Variants in ZC3H7B observed in about 807,000 individuals in gnomAD.
ZC3H7B encodes zinc finger CCCH domain-containing protein 7B.
In ZC3H7B, 35 loss-of-function variants were observed where a neutral mutation model predicts 116.0. The observed-to-expected ratio is 0.30, with a 90% CI of 0.23 to 0.40. ZC3H7B has a LOEUF of 0.40. Among genes scored for constraint, ZC3H7B ranks in the 10% least tolerant of loss-of-function variants. ZC3H7B has a pLI of 1.00. For synonymous variants in ZC3H7B, 502 were observed against 545.6 expected (o/e 0.92, Z 1.11); for missense variants, 1,011 against 1,321.5 (o/e 0.77, Z 3.64).
In ZC3H7B at chr22:41,338,170, A is replaced by T. The variant is rs1013565009; in HGVS notation, c.583-143A>T. ...GGCATAAGCCACCACGCCTGGCCGC[A>T]TGTGAGGGCTTTAATCTCCCCTGGC... On this transcript the variant is annotated intron_variant, in intron 7 of 22. Coordinates refer to ENST00000352645, the MANE Select transcript of ZC3H7B (RefSeq NM_017590.6). This position sits in a 1 kb window ranked among gnomAD's most constrained non-coding sequence, Gnocchi z 4.5. 7.3e-6 allele frequency: 6 copies of T among 820,822 alleles called. No individual in the cohort carries two copies. The East Asian group carries it at 1.1e-4, about 15-fold the overall frequency. The allele number at this position is 820,822 out of a possible 1,614,324, so 50.8% of individuals were successfully genotyped here.
chr22:41,343,551 C>T lies in ZC3H7B; in HGVS notation c.1434C>T (p.Phe478=), dbSNP rs773935948. 34 of 1,611,082 alleles carry T rather than the reference C, an allele frequency of 2.1e-5. No homozygotes were observed. The highest frequency in any genetic ancestry group is 4.5e-5 in the East Asian group (2 of 44,820). The change falls in exon 13 of 23, where the codon TTC becomes TTT. Residue 478 remains phenylalanine, a synonymous_variant. Coordinates refer to ENST00000352645, the MANE Select transcript of ZC3H7B (RefSeq NM_017590.6). ...RIRPRPTKTS[F]VGSYYLCKDM... Reference sequence around the variant, plus strand: ...GGCCCCGGCCCACTAAGACCAGCTTCGTGGGCTCCTACTACCTGTGCAAAG... The same window carrying T: ...GGCCCCGGCCCACTAAGACCAGCTTTGTGGGCTCCTACTACCTGTGCAAAG...
chr22:41,336,315 G>A (rs1368542787), intron 7 of ZC3H7B: 1 of 152,176 alleles, frequency 6.6e-6, no homozygotes, highest in Non-Finnish European at 1.5e-5. Context: ...ATCATTTGAA[G>A]TCAGGAGTTT....
At chr22:41,342,653 C>T (rs375020391) in intron 12 of ZC3H7B, 25 bp downstream of exon 12, 14 of 1,586,756 alleles carry the variant, frequency 8.8e-6, no homozygotes, top group Admixed American at 8.5e-5. Flanking sequence ...GTAGACTCCA[C>T]CCCTCTGCCC....
chr22:41,353,079 CA>C (rs111438065), intron 17 of ZC3H7B, among the ~76,000 whole-genome samples: 2,574 of 134,140 alleles, frequency 0.019, 75 homozygotes, highest in African/African-American at 0.062. Flanking sequence ...GACTCCATCT[CA>C]AAAAAAAAAA....
chr22:41,351,712 A>T lies in ZC3H7B; in HGVS notation c.2034+66A>T. On this transcript the variant is annotated intron_variant, in intron 17 of 22. Transcript: ENST00000352645. The surrounding 1 kb of genome is among the most constrained non-coding windows in gnomAD (Gnocchi z 5.1). ...AATTGTCCCCAAATTACAAACAGGAAGGCTCTAATTTTACAATAGAGAAAT... is the reference window on the plus strand; with the variant it reads ...AATTGTCCCCAAATTACAAACAGGATGGCTCTAATTTTACAATAGAGAAAT... The T allele has an allele frequency of 6.6e-7, 1 of 1,511,348 alleles. No homozygotes were observed. Among genetic ancestry groups the T allele is most frequent in the South Asian group, 1.2e-5 (1 of 83,136 alleles). 93.6% of individuals were successfully genotyped at this position (1,511,348 alleles called of 1,614,324 possible).
intron 1 of ZC3H7B, among the ~76,000 whole-genome samples, chr22:41,307,748 G>T (rs565276356): frequency 6.6e-6 from 1 of 152,092 alleles, no homozygotes; most frequent in Non-Finnish European, 1.5e-5. Flanking sequence ...GCAATCATTG[G>T]CAGCCCCATC....
chr22:41,350,397 C>G (rs1391681206), intron 16 of ZC3H7B, among the ~76,000 whole-genome samples: 1 of 152,132 alleles, frequency 6.6e-6, no homozygotes, highest in East Asian at 1.9e-4. Context: ...ATGATCTGAT[C>G]AGTACTTTGC....
At chr22:41,347,612 T>C (rs2036603584) in intron 14 of ZC3H7B, among the ~76,000 whole-genome samples, 1 of 152,178 alleles carries the variant, frequency 6.6e-6, no homozygotes, top group African/African-American at 2.4e-5. Flanking sequence ...TCCGGGTTGC[T>C]GGCAGGGTTT....
At chr22:41,325,523 C>A (rs763132384) in intron 2 of ZC3H7B, 41 bp from the exon 3 acceptor site, 2 of 1,592,940 alleles carry the variant, frequency 1.3e-6, no homozygotes, top group Non-Finnish European at 1.7e-6. Flanking sequence ...AAGCTGGGAC[C>A]GCCGGGCTCA....
chr22:41,351,751 G>A lies in ZC3H7B; in HGVS notation c.2034+105G>A. On this transcript the variant is annotated intron_variant, in intron 17 of 22. Transcript: ENST00000352645. The surrounding 1 kb of genome is among the most constrained non-coding windows in gnomAD (Gnocchi z 5.1). The stretch of plus-strand genomic sequence containing the variant: ...CAATAGAGAAATGTTTACAATGGAG[G>A]CACCTCGAATAAGTTATGAAAGTAA... 9.3e-7 allele frequency: 1 copy of A among 1,073,772 alleles called. No homozygotes were observed. The highest frequency in any genetic ancestry group is 1.5e-5 in the South Asian group (1 of 66,598). 66.5% of individuals were successfully genotyped at this position (1,073,772 alleles called of 1,614,324 possible). A position where few individuals can be genotyped will look rare whatever the true frequency, so the allele number is the denominator to read the frequency against.
intron 1 of ZC3H7B, among the ~76,000 whole-genome samples, chr22:41,307,557 C>T (rs1032022782): frequency 2.0e-5 from 3 of 152,184 alleles, no homozygotes; most frequent in Non-Finnish European, 2.9e-5. Flanking sequence ...AGCTCCTCAG[C>T]GTCAGAGGCT....
intron 1 of ZC3H7B, among the ~76,000 whole-genome samples, chr22:41,307,567 T>C (rs1243448070): frequency 6.6e-6 from 1 of 152,218 alleles, no homozygotes; most frequent in Non-Finnish European, 1.5e-5. Context: ...CGTCAGAGGC[T>C]GAGACACAAG....
intron 11 of ZC3H7B, among the ~76,000 whole-genome samples, chr22:41,341,742 C>CA (rs1265367926): frequency 1.3e-5 from 2 of 150,314 alleles, no homozygotes; most frequent in African/African-American, 2.4e-5. Flanking sequence ...GACTCCGTCT[C>CA]AAAAAAAAGA....
intron 1 of ZC3H7B, among the ~76,000 whole-genome samples, chr22:41,311,379 G>A (rs2036117123): frequency 1.3e-5 from 2 of 152,008 alleles, no homozygotes; most frequent in African/African-American, 4.8e-5. Flanking sequence ...AGAGGAGTAG[G>A]ATTAGGGGAG....
At chr22:41,320,387 G>C (rs2036239704) in intron 1 of ZC3H7B, among the ~76,000 whole-genome samples, 1 of 151,582 alleles carries the variant, frequency 6.6e-6, no homozygotes. Context: ...ATACGGTATT[G>C]TAGCTCAAGC....
chr22:41,352,512 C>G (rs907076384), intron 17 of ZC3H7B, among the ~76,000 whole-genome samples: 1 of 152,192 alleles, frequency 6.6e-6, no homozygotes, highest in Non-Finnish European at 1.5e-5. Flanking sequence ...TGTAATCCCA[C>G]CAGCCTTTGG....
chr22:41,354,138 G>A (rs1320811959), intron 17 of ZC3H7B, among the ~76,000 whole-genome samples: 3 of 152,204 alleles, frequency 2.0e-5, no homozygotes, highest in Non-Finnish European at 4.4e-5. Flanking sequence ...TCTAAGGGAG[G>A]AGCTCAGGAC....
At position 41,330,030 on chromosome 22, in the gene ZC3H7B, G is replaced by A. The variant is rs147639183; in HGVS notation, c.452G>A (p.Ser151Asn). The change falls in exon 6 of 23, where the codon AGC becomes AAC. Residue 151 changes from serine to asparagine, a missense_variant. By Grantham distance (46) the Ser-to-Asn change is conservative. Around this residue, in one of 5 missense-constraint regions of ZC3H7B, gnomAD observed 322 missense variants for 443.9 expected, o/e 0.73. Coordinates refer to ENST00000352645, the MANE Select transcript of ZC3H7B (RefSeq NM_017590.6). ...GTGTCTTGTCCTCTGCAGGATGAAA[G>A]CGTGACTCAGCTTGGTCAGGAGCTG... ...RCSLALPHDE[S>N]VTQLGQELAQ... The A allele has an allele frequency of 1.8e-5, 29 of 1,613,676 alleles. No homozygotes were observed. Among genetic ancestry groups the A allele is most frequent in the Non-Finnish European group, 2.5e-5 (29 of 1,179,992 alleles).
Position 41,341,155 on chromosome 22 carries a change from C to A in ZC3H7B, c.1197+9C>A. 1 of 1,613,942 alleles carries A rather than the reference C, an allele frequency of 6.2e-7. No individual in the cohort carries two copies. Among genetic ancestry groups the A allele is most frequent in the Non-Finnish European group, 8.5e-7 (1 of 1,179,878 alleles). On this transcript the variant is annotated intron_variant, in intron 11 of 22. Coordinates refer to ENST00000352645, the MANE Select transcript of ZC3H7B (RefSeq NM_017590.6). Reference sequence around the variant, plus strand: ...AGAAACCAGCCCCCTCGGTGAGTGACTTGAGTGGGGATCCAGGCCTCTCAT... The same window carrying A: ...AGAAACCAGCCCCCTCGGTGAGTGAATTGAGTGGGGATCCAGGCCTCTCAT...
Sources: allele counts gnomAD v4.1 joint callset (sites outside exome capture counted in the v4.1 genomes callset), GRCh38; gene constraint gnomAD v4.1.1; regional missense constraint gnomAD v4.1.1; non-coding constraint Gnocchi (gnomAD v3.1); transcripts MANE v1.5; gene names NCBI Gene and HGNC (gene_info 2026-07-23, HGNC 2026-07-21).